The following PPM1E variants were observed in gnomAD, a reference collection of about 807,000 sequenced individuals.
PPM1E encodes the protein protein phosphatase, Mg2+/Mn2+ dependent 1E.
A neutral mutation model predicts 65.9 loss-of-function variants in PPM1E; 20 were observed. The observed-to-expected ratio is 0.30, with a 90% CI of 0.21 to 0.44. The LOEUF (loss-of-function observed/expected upper bound fraction) is 0.44. PPM1E is among the 20% of genes least tolerant of loss of function. PPM1E has a pLI of 1.00. For missense variants in PPM1E, 713 were observed against 953.1 expected (o/e 0.75, Z 3.32); for synonymous variants, 352 against 374.9 (o/e 0.94, Z 0.70).
intron 1 of PPM1E, among the ~76,000 whole-genome samples, chr17:58,836,989 C>G (rs2050665125): frequency 7.1e-6 from 1 of 139,958 alleles, no homozygotes; most frequent in African/African-American, 2.7e-5. Flanking sequence ...CACTGCACTC[C>G]AGCCTGGGCG....
At position 58,811,176 on chromosome 17, in the gene PPM1E, T is replaced by C. The variant is rs114949275; in HGVS notation, c.464+54715T>C. ...CCCAGCCTTGTTTTGTGAATTTGGA[T>C]TGTGCATTTTTATGTTCACTGATAC... On this transcript the variant is annotated intron_variant, in intron 1 of 6. Coordinates refer to ENST00000308249, the MANE Select transcript of PPM1E (RefSeq NM_014906.5). Among the ~76,000 whole-genome samples the C allele has an allele frequency of 9.3e-4, 141 of 152,286 alleles. 1 individual carries two copies. The highest frequency in any genetic ancestry group is 3.3e-3 in the African/African-American group (138 of 41,570).
intron 1 of PPM1E, among the ~76,000 whole-genome samples, chr17:58,859,024 G>A (rs1376494189): frequency 2.6e-5 from 4 of 152,348 alleles, no homozygotes; most frequent in East Asian, 1.9e-4. Flanking sequence ...ATTCAAGTGC[G>A]AAACTTGAGG....
At chr17:58,868,245 G>T (rs1286309403) in intron 1 of PPM1E, among the ~76,000 whole-genome samples, 1 of 152,114 alleles carries the variant, frequency 6.6e-6, no homozygotes, top group Non-Finnish European at 1.5e-5. Flanking sequence ...CTTGAGTTAG[G>T]GAGGCAGAGG....
chr17:58,930,815 T>C (rs2051884722), intron 1 of PPM1E, among the ~76,000 whole-genome samples: 1 of 152,026 alleles, frequency 6.6e-6, no homozygotes, highest in South Asian at 2.1e-4. Flanking sequence ...AGAGAGCCAA[T>C]GTAAGATGTA....
intron 1 of PPM1E, among the ~76,000 whole-genome samples, chr17:58,874,567 T>C (rs2051108294): frequency 6.6e-6 from 1 of 152,196 alleles, no homozygotes; most frequent in South Asian, 2.1e-4. Flanking sequence ...AAGATATCTT[T>C]GCAAAGTTCT....
intron 1 of PPM1E, among the ~76,000 whole-genome samples, chr17:58,857,133 C>G (rs1354841476): frequency 6.6e-6 from 1 of 152,132 alleles, no homozygotes; most frequent in Non-Finnish European, 1.5e-5. Flanking sequence ...CCTGTTATCC[C>G]TAAATACTTC....
At chr17:58,963,607 GC>G (rs2030116417) in intron 2 of PPM1E, among the ~76,000 whole-genome samples, 1 of 152,028 alleles carries the variant, frequency 6.6e-6, no homozygotes. Context: ...TACTCGGGAG[GC>G]TGAGGCAGGA....
intron 1 of PPM1E, chr17:58,899,648 C>G (rs553543471): frequency 3.2e-5 from 7 of 215,582 alleles, no homozygotes; most frequent in South Asian, 8.0e-5. Context: ...CAAAGAATCT[C>G]AAGCCAAAGA....
chr17:58,804,159 C>G (rs905402455), intron 1 of PPM1E, among the ~76,000 whole-genome samples: 2 of 152,130 alleles, frequency 1.3e-5, no homozygotes, highest in African/African-American at 4.8e-5. Context: ...AACTCCTGGC[C>G]TCAAGCAGTC....
intron 1 of PPM1E, among the ~76,000 whole-genome samples, chr17:58,906,312 A>AT (rs2051557586): frequency 6.6e-6 from 1 of 151,698 alleles, no homozygotes; most frequent in Non-Finnish European, 1.5e-5. Flanking sequence ...AGTTCCATTG[A>AT]TTTTCTCTAT....
chr17:58,871,573 G>T (rs538941132), intron 1 of PPM1E, among the ~76,000 whole-genome samples: 2 of 152,062 alleles, frequency 1.3e-5, no homozygotes, highest in Non-Finnish European at 2.9e-5. Flanking sequence ...TCAGCACTTT[G>T]GGAGGCTGAG....
chr17:58,785,392 A>G (rs2050088915), intron 1 of PPM1E: 1 of 144,142 alleles, frequency 6.9e-6, no homozygotes, highest in Non-Finnish European at 1.5e-5. Context: ...TGCAATCTTG[A>G]ACTCCCAGGT....
At chr17:58,799,997 C>T (rs1474244933) in intron 1 of PPM1E, among the ~76,000 whole-genome samples, 2 of 152,148 alleles carry the variant, frequency 1.3e-5, no homozygotes, top group African/African-American at 4.8e-5. Flanking sequence ...TTTTCTGTTT[C>T]TACAACATTC....
At chr17:58,868,972 G>C (rs1367067563) in intron 1 of PPM1E, among the ~76,000 whole-genome samples, 1 of 152,172 alleles carries the variant, frequency 6.6e-6, no homozygotes, top group Non-Finnish European at 1.5e-5. Context: ...TTTAAGACCA[G>C]CCTGGCCAAC....
chr17:58,934,857 A>C (rs1297174475), intron 1 of PPM1E, among the ~76,000 whole-genome samples: 4 of 150,226 alleles, frequency 2.7e-5, no homozygotes, highest in East Asian at 2.0e-4. Flanking sequence ...AACCCAGGAG[A>C]CAGAGGTTGC....
At chr17:58,788,473 A>G (rs890464526) in intron 1 of PPM1E, among the ~76,000 whole-genome samples, 5 of 152,228 alleles carry the variant, frequency 3.3e-5, no homozygotes. Flanking sequence ...ATAGTTTCAC[A>G]TACTATTGTG....
intron 1 of PPM1E, among the ~76,000 whole-genome samples, chr17:58,758,525 C>T (rs1318375319): frequency 2.2e-5 from 3 of 139,080 alleles, no homozygotes; most frequent in Non-Finnish European, 4.6e-5. Flanking sequence ...AAGACTCCGT[C>T]TCAAAAAAAA....
intron 1 of PPM1E, among the ~76,000 whole-genome samples, chr17:58,784,599 A>T (rs1214254311): frequency 1.3e-5 from 2 of 148,242 alleles, no homozygotes; most frequent in Non-Finnish European, 3.0e-5. Flanking sequence ...ATCTTGGCTC[A>T]CTGCAGTCTC....
Position 58,826,819 on chromosome 17 carries a change from C to T in PPM1E, c.464+70358C>T, listed in dbSNP as rs532714655. On this transcript the variant is annotated intron_variant, in intron 1 of 6. Coordinates refer to ENST00000308249, the MANE Select transcript of PPM1E (RefSeq NM_014906.5). ...TTTTTTTTTGTATTTTTAGTAGAGA[C>T]GGGGTTTCACTGTGTTAGCCAGGAT... Among the ~76,000 whole-genome samples the T allele has an allele frequency of 5.3e-5, 8 of 151,626 alleles. 1 individual carries two copies. The highest frequency in any genetic ancestry group is 1.9e-4 in the African/African-American group (8 of 41,266).
Sources: gnomAD v4.1 joint callset for allele counts (sites outside exome capture counted in the v4.1 genomes callset) on GRCh38, gnomAD v4.1.1 for gene constraint, MANE v1.5 for transcripts, NCBI Gene and HGNC (gene_info 2026-07-23, HGNC 2026-07-21) for gene names.